TRDN: variants seen among roughly 807,000 people sequenced by gnomAD.
TRDN encodes the protein triadin in skeletal muscle.
TRDN carries 161 observed loss-of-function variants against 149.7 expected under a neutral mutation model. That is an observed-to-expected ratio of 1.08 (90% CI 0.95 to 1.23). The LOEUF (loss-of-function observed/expected upper bound fraction) is 1.23. TRDN is among the 50% of genes most tolerant of loss of function. TRDN has a pLI of 0.00. For synonymous variants in TRDN, 294 were observed against 250.5 expected (o/e 1.17, Z -1.64); for missense variants, 896 against 823.5 (o/e 1.09, Z -1.08).
chr6:123,350,647 A>T (rs948191740), intron 21 of TRDN: 1 of 749,636 alleles, frequency 1.3e-6, no homozygotes, highest in Admixed American at 6.3e-5. Context: ...TTTTTGTATC[A>T]GTTATTAGTA....
At chr6:123,444,761 G>T (rs1775203806) in intron 10 of TRDN, among the ~76,000 whole-genome samples, 1 of 152,130 alleles carries the variant, frequency 6.6e-6, no homozygotes, top group Admixed American at 6.5e-5. Flanking sequence ...GGCCTTTTCT[G>T]CATCTATTGA....
In TRDN at chr6:123,632,909, G is replaced by A. The variant is rs1302790686; in HGVS notation, c.22+3845C>T. ...AGTAATCTTGTGCTGCAGACTCTAT[G>A]GGAGTAATGCAGTGTGTAGAATATA... is the stretch of plus-strand genomic sequence containing the variant. On this transcript the variant is annotated intron_variant, in intron 1 of 40. Coordinates refer to ENST00000334268, the MANE Select transcript of TRDN (RefSeq NM_006073.4). Among the ~76,000 whole-genome samples, 4 of 151,680 alleles carry A rather than the reference G, an allele frequency of 2.6e-5. No individual in the cohort carries two copies. The East Asian group carries it at 5.8e-4, about 22-fold the overall frequency.
At chr6:123,440,478 A>G (rs1774816147) in intron 10 of TRDN, among the ~76,000 whole-genome samples, 1 of 152,220 alleles carries the variant, frequency 6.6e-6, no homozygotes, top group African/African-American at 2.4e-5. Context: ...GAGAAATTTT[A>G]TGTAGTAGTG....
intron 10 of TRDN, among the ~76,000 whole-genome samples, chr6:123,451,280 C>A (rs1414619834): frequency 1.3e-5 from 2 of 151,280 alleles, no homozygotes; most frequent in African/African-American, 2.4e-5. Flanking sequence ...GAAACAACAA[C>A]AAAAAAATAC....
intron 9 of TRDN, among the ~76,000 whole-genome samples, chr6:123,495,938 C>G (rs977879879): frequency 6.6e-6 from 1 of 151,416 alleles, no homozygotes; most frequent in African/African-American, 2.4e-5. Flanking sequence ...CACTGTATTT[C>G]TGTCCAAAGC....
chr6:123,465,296 T>C (rs1776719456), intron 9 of TRDN, among the ~76,000 whole-genome samples: 2 of 152,074 alleles, frequency 1.3e-5, no homozygotes. Flanking sequence ...TTATTTTTAA[T>C]ATACACACTA....
At chr6:123,336,066 A>G (rs2114734732) in intron 22 of TRDN, among the ~76,000 whole-genome samples, 1 of 152,174 alleles carries the variant, frequency 6.6e-6, no homozygotes, top group Non-Finnish European at 1.5e-5. Context: ...CCCAATAGCA[A>G]AAGAACTTAG....
intron 1 of TRDN, among the ~76,000 whole-genome samples, chr6:123,593,754 A>T (rs1174892183): frequency 6.6e-6 from 1 of 152,190 alleles, no homozygotes; most frequent in Admixed American, 6.5e-5. Flanking sequence ...ACCAATTAAG[A>T]TCATACTCTG....
intron 1 of TRDN, among the ~76,000 whole-genome samples, chr6:123,595,360 G>C (rs138025749): frequency 9.7e-4 from 147 of 152,134 alleles, no homozygotes; most frequent in African/African-American, 3.3e-3. Context: ...TTCTCAGACT[G>C]TACGATCTAA....
intron 2 of TRDN, among the ~76,000 whole-genome samples, chr6:123,558,601 T>G (rs1400763916): frequency 1.3e-5 from 2 of 152,196 alleles, no homozygotes; most frequent in Non-Finnish European, 1.5e-5. Context: ...TACAGCCCTA[T>G]ACCCTAAAAT....
At chr6:123,352,306 T>C (rs990517893) in intron 21 of TRDN, 1 of 984,962 alleles carries the variant, frequency 1.0e-6, no homozygotes, top group Non-Finnish European at 1.2e-6. Flanking sequence ...AATTAAACAG[T>C]TTGGGGAGTT....
At chr6:123,581,096 A>AT (rs1468371806) in intron 1 of TRDN, among the ~76,000 whole-genome samples, 1 of 152,150 alleles carries the variant, frequency 6.6e-6, no homozygotes, top group African/African-American at 2.4e-5. Flanking sequence ...AGCCAGAGAT[A>AT]TTGAATTCCT....
chr6:123,296,172 T>C (rs1264436186), intron 24 of TRDN, among the ~76,000 whole-genome samples: 1 of 152,136 alleles, frequency 6.6e-6, no homozygotes, highest in East Asian at 1.9e-4. Flanking sequence ...CTTTAATCTA[T>C]CAGAGCATGT....
At chr6:123,234,140 G>T (rs958624985) in intron 38 of TRDN, among the ~76,000 whole-genome samples, 2 of 151,974 alleles carry the variant, frequency 1.3e-5, no homozygotes, top group African/African-American at 2.4e-5. Flanking sequence ...TAGTTTCCCT[G>T]GTATCGACTA....
intron 35 of TRDN, 41 bp downstream of exon 35, chr6:123,259,583 G>T: frequency 7.4e-7 from 1 of 1,343,356 alleles, no homozygotes; most frequent in Non-Finnish European, 1.0e-6. Context: ...CTCTGTTTTT[G>T]TGGCTAATTT....
chr6:123,366,040 T>C, intron 20 of TRDN, 95 bp downstream of exon 20: 1 of 1,107,744 alleles, frequency 9.0e-7, no homozygotes, highest in Non-Finnish European at 1.3e-6. Context: ...AATCAATAAA[T>C]AGAGCTCTTT....
At position 123,274,378 on chromosome 6, in the gene TRDN, A is replaced by G. The variant is rs575419285; in HGVS notation, c.1597+263T>C. Reference sequence around the variant, plus strand: ...AGCATGATTATTATTAATTTCATAAAAACCTTAGAAATGTCTCCAGAAACC... The same window carrying G: ...AGCATGATTATTATTAATTTCATAAGAACCTTAGAAATGTCTCCAGAAACC... On this transcript the variant is annotated intron_variant, in intron 27 of 40. Transcript: ENST00000334268. Among the ~76,000 whole-genome samples the G allele has an allele frequency of 4.6e-5, 7 of 152,284 alleles. No homozygotes were observed. In the South Asian group the frequency reaches 1.4e-3, roughly 32 times the overall value.
In TRDN at chr6:123,260,644, G is replaced by GAAAA. The variant is rs11373802; in HGVS notation, c.1805-10_1805-7dup. ...TGTGACTTCTGATGTTCCTTCTTTA[G>GAAAA]AAAAAAAAAAAAAAAGAATGTAGAA... On this transcript the variant is annotated splice_polypyrimidine_tract_variant and splice_region_variant and intron_variant, in intron 33 of 40. Transcript: ENST00000334268. 2.1e-4 allele frequency: 228 copies of GAAAA among 1,063,502 alleles called. No individual in the cohort carries two copies. The highest frequency in any genetic ancestry group is 7.5e-4 in the South Asian group (37 of 49,126). The allele number at this position is 1,063,502 out of a possible 1,614,324, so 65.9% of individuals were successfully genotyped here.
intron 38 of TRDN, among the ~76,000 whole-genome samples, chr6:123,237,123 GATTTATACATA>G (rs145800729): frequency 0.053 from 8,046 of 151,892 alleles, 624 homozygotes; most frequent in African/African-American, 0.18. Context: ...TATGCATTTT[GATTTATACATA>G]ATTTATACAT....
Sources: gnomAD v4.1 joint callset for allele counts (sites outside exome capture counted in the v4.1 genomes callset) on GRCh38, gnomAD v4.1.1 for gene constraint, MANE v1.5 for transcripts, NCBI Gene and HGNC (gene_info 2026-07-23, HGNC 2026-07-21) for gene names.